Variants in TASOR2 observed in about 807,000 individuals in gnomAD.
TASOR2 encodes transcription activation suppressor family member 2, also known as protein TASOR 2.
Under a neutral mutation model 199.5 loss-of-function variants are expected in TASOR2, and 84 were observed. The observed-to-expected ratio is 0.42, with a 90% CI of 0.35 to 0.50. The LOEUF is 0.50. Among genes scored for constraint, TASOR2 ranks in the 20% least tolerant of loss-of-function variants. The probability of loss-of-function intolerance (pLI) is 0.02; values close to 1 mark genes in which losing one functional copy is unlikely to be tolerated. For synonymous variants in TASOR2, 1,103 were observed against 1,046.6 expected, an observed-to-expected ratio of 1.05 and a Z score of -1.04; for missense variants, 2,796 against 2,835.9, an observed-to-expected ratio of 0.99 and a Z score of 0.32.
Position 5,752,541 on chromosome 10 carries a change from C to A in TASOR2, c.6606+2514C>A, listed in dbSNP as rs1838215248. 6.6e-6 allele frequency among the ~76,000 whole-genome samples: 1 copy of A among 152,224 alleles called. No individual in the cohort carries two copies. The highest frequency in any genetic ancestry group is 6.5e-5 in the Admixed American group (1 of 15,286). On this transcript the variant is annotated intron_variant, in intron 15 of 20. Coordinates refer to ENST00000328090, the Ensembl canonical transcript of TASOR2. This position sits in a 1 kb window ranked among gnomAD's most constrained non-coding sequence, Gnocchi z 4.4. Reference sequence around the variant, plus strand: ...CTTCTGCTGATTTCCTGCGCTAACTCCAGAATGTCACGTGGCGAGTCCATG... The same window carrying A: ...CTTCTGCTGATTTCCTGCGCTAACTACAGAATGTCACGTGGCGAGTCCATG...
intron 6 of TASOR2, among the ~76,000 whole-genome samples, chr10:5,721,489 T>C (rs1833350798): frequency 6.6e-6 from 1 of 152,202 alleles, no homozygotes; most frequent in Admixed American, 6.5e-5. Context: ...GAAATAGTCA[T>C]AGTTTAATTG....
chr10:5,713,051 A>G (rs1406740211), intron 2 of TASOR2, 133 bp downstream of exon 2: 2 of 424,884 alleles, frequency 4.7e-6, no homozygotes, highest in Non-Finnish European at 7.9e-6. Flanking sequence ...CATGTAAATG[A>G]CAGCAACAAA....
At chr10:5,712,452 C>G (rs1192245447) in intron 1 of TASOR2, 3 of 1,231,480 alleles carry the variant, frequency 2.4e-6, no homozygotes, top group Non-Finnish European at 3.0e-6. Flanking sequence ...TTTCACTCCT[C>G]CATACTTCTT....
rs1204529484 is a variant in TASOR2 at position 5,746,148 on chromosome 10, T to A, written c.2758-31T>A. 3 of 544,884 alleles carry A rather than the reference T, an allele frequency of 5.5e-6. No individual in the cohort carries two copies. The African/African-American group carries it at 2.3e-4, about 42-fold the overall frequency. The allele number at this position is 544,884 out of a possible 1,614,324, so 33.8% of individuals were successfully genotyped here. ...TATAAAAAACATTTTATATGACTGA[T>A]TTTTTTTTTTTTTTACTTTGGCCGT... On this transcript the variant is annotated intron_variant, in intron 14 of 20. Coordinates refer to ENST00000328090, the Ensembl canonical transcript of TASOR2.
At position 5,750,131 on chromosome 10, in the gene TASOR2, A is replaced by T; in HGVS notation, c.6606+104A>T. 1.6e-6 allele frequency: 2 copies of T among 1,267,714 alleles called. No homozygotes were observed. The highest frequency in any genetic ancestry group is 2.1e-6 in the Non-Finnish European group (2 of 947,952). The allele number at this position is 1,267,714 out of a possible 1,614,324, so 78.5% of individuals were successfully genotyped here. On this transcript the variant is annotated intron_variant, in intron 15 of 20. Coordinates refer to ENST00000328090, the Ensembl canonical transcript of TASOR2. This position sits in a 1 kb window ranked among gnomAD's most constrained non-coding sequence, Gnocchi z 5.4. The stretch of plus-strand genomic sequence containing the variant: ...CATCAAAAAGAAATCATGGTATGAC[A>T]TAGTATTTAAATTTCACAGCTTAGT...
chr10:5,749,514 T>C, exon 15 of TASOR2: 1 of 1,614,106 alleles, frequency 6.2e-7, no homozygotes, highest in South Asian at 1.1e-5. Flanking sequence ...TTCTGCATCC[T>C]GCACCTAGGA....
chr10:5,721,324 C>T (rs1420189077), intron 6 of TASOR2, among the ~76,000 whole-genome samples: 1 of 152,104 alleles, frequency 6.6e-6, no homozygotes, highest in Non-Finnish European at 1.5e-5. Context: ...CAAATTTTAA[C>T]ATGATTTTCT....
intron 1 of TASOR2, among the ~76,000 whole-genome samples, chr10:5,704,125 G>A (rs1588636506): frequency 6.6e-6 from 1 of 151,762 alleles, no homozygotes; most frequent in East Asian, 1.9e-4. Context: ...TCGGGAGGCT[G>A]AGGCAGGAGA....
chr10:5,731,905 A>G (rs929885673), intron 11 of TASOR2, among the ~76,000 whole-genome samples: 7 of 152,254 alleles, frequency 4.6e-5, no homozygotes, highest in African/African-American at 1.7e-4. Context: ...GACAGCCTCA[A>G]CACCTATCGA....
chr10:5,746,125 T>C (rs1837157066), intron 14 of TASOR2, 54 bp from the exon 16 acceptor site: 1 of 1,489,408 alleles, frequency 6.7e-7, no homozygotes, highest in South Asian at 1.4e-5. Flanking sequence ...TATAATCGTA[T>C]AAAAAACATT....
Position 5,730,057 on chromosome 10 carries a change from T to C in TASOR2, c.488-430T>C, listed in dbSNP as rs1456980552. ...CTTGCACTAACTTCTGAAAAGAATT[T>C]GAAGTGAGTTCAGTAAGGTACAGCT... On this transcript the variant is annotated intron_variant, in intron 10 of 20. Coordinates refer to ENST00000328090, the Ensembl canonical transcript of TASOR2. This position sits in a 1 kb window ranked among gnomAD's most constrained non-coding sequence, Gnocchi z 4.1. 3.3e-5 allele frequency among the ~76,000 whole-genome samples: 5 copies of C among 152,214 alleles called. No individual in the cohort carries two copies.
chr10:5,758,818 CTG>C, intron 17 of TASOR2, 67 bp from the exon 19 acceptor site: 1 of 1,114,270 alleles, frequency 9.0e-7, no homozygotes, highest in East Asian at 2.4e-5. Context: ...ATAATTATCA[CTG>C]GGCTTGGCAT....
chr10:5,748,763 A>G lies in TASOR2; in HGVS notation c.5342A>G (p.Asp1781Gly), dbSNP rs1235230299. 3 of 1,614,144 alleles carry G rather than the reference A, an allele frequency of 1.9e-6. No homozygotes were observed. The African/African-American group carries it at 4.0e-5, about 22-fold the overall frequency. The change falls in exon 15 of 21, where the codon GAT becomes GGT. Residue 1781 changes from aspartate (D) to glycine (G), a missense_variant. By Grantham distance (94) the Asp-to-Gly change is moderately conservative. Transcript: ENST00000328090. The surrounding 1 kb of genome is among the most constrained non-coding windows in gnomAD (Gnocchi z 5.1). Reference sequence around the variant, plus strand: ...GCCTCCTTTGTTTCAGAATCCTTTGATACTTCTGTTTGTGGAATAGCCACA... The same window carrying G: ...GCCTCCTTTGTTTCAGAATCCTTTGGTACTTCTGTTTGTGGAATAGCCACA...
intron 15 of TASOR2, among the ~76,000 whole-genome samples, chr10:5,755,442 C>T (rs1180180565): frequency 2.0e-5 from 3 of 151,958 alleles, no homozygotes; most frequent in African/African-American, 2.4e-5. Flanking sequence ...GGCGTGGTGG[C>T]GGGCACCTGT....
chr10:5,730,455 T>A lies in TASOR2; in HGVS notation c.488-32T>A, dbSNP rs1269379879. On this transcript the variant is annotated intron_variant, in intron 10 of 20. Transcript: ENST00000328090. This position sits in a 1 kb window ranked among gnomAD's most constrained non-coding sequence, Gnocchi z 4.1. Reference sequence around the variant, plus strand: ...ATGTTTTGTTTTTAAAAAATAAACTTCAGATGTTTAATACGTGTGTATATA... The same window carrying A: ...ATGTTTTGTTTTTAAAAAATAAACTACAGATGTTTAATACGTGTGTATATA... 3 of 1,439,156 alleles carry A rather than the reference T, an allele frequency of 2.1e-6. No individual in the cohort carries two copies. In the African/African-American group the frequency reaches 4.3e-5, roughly 20 times the overall value. The allele number at this position is 1,439,156 out of a possible 1,614,324, so 89.1% of individuals were successfully genotyped here.
In TASOR2 at chr10:5,730,857, G is replaced by A. The variant is rs367954838; in HGVS notation, c.858G>A (p.Gln286=). The change falls in exon 11 of 21, where the codon CAG becomes CAA. Residue 286 remains glutamine (Q), a synonymous_variant. Coordinates refer to ENST00000328090, the Ensembl canonical transcript of TASOR2. The surrounding 1 kb of genome is among the most constrained non-coding windows in gnomAD (Gnocchi z 4.1). ...TGGACTTGCTAGCAGAGCATCCTCA[G>A]TCTCCTTGTGTTTCAGACGGAATTT... 4 of 1,614,052 alleles carry A rather than the reference G, an allele frequency of 2.5e-6. No individual in the cohort carries two copies. The African/African-American group carries it at 5.3e-5, about 22-fold the overall frequency.
chr10:5,740,386 G>A lies in TASOR2; in HGVS notation c.2216G>A (p.Cys739Tyr), dbSNP rs758753278. Reference sequence around the variant, plus strand: ...TCTTGCTCTCGTATAGTGCTTAGCTGTGATGACTCCGTTAAGATCACTTTC... The same window carrying A: ...TCTTGCTCTCGTATAGTGCTTAGCTATGATGACTCCGTTAAGATCACTTTC... The change falls in exon 13 of 21, where the codon TGT becomes TAT. Residue 739 changes from cysteine to tyrosine, a missense_variant. Around this residue, in one of 3 missense-constraint regions of TASOR2, gnomAD observed 847 missense variants for 887.4 expected, o/e 0.95. Transcript: ENST00000328090. This position sits in a 1 kb window ranked among gnomAD's most constrained non-coding sequence, Gnocchi z 5.3. 42 of 1,614,092 alleles carry A rather than the reference G, an allele frequency of 2.6e-5. No individual in the cohort carries two copies. Among genetic ancestry groups the A allele is most frequent in the Non-Finnish European group, 3.5e-5 (41 of 1,180,046 alleles).
In TASOR2 at chr10:5,710,994, T is replaced by G. The variant is rs1227805146; in HGVS notation, c.-287-1829T>G. On this transcript the variant is annotated intron_variant, in intron 1 of 20. Transcript: ENST00000328090. The surrounding 1 kb of genome is among the most constrained non-coding windows in gnomAD (Gnocchi z 4.6). ...ATTTTAACTCTTATAACTGGTGTTT[T>G]GCTATTTGCATCTATTCAGAATATC... Among the ~76,000 whole-genome samples the G allele has an allele frequency of 1.3e-5, 2 of 152,134 alleles. No individual in the cohort carries two copies. Among genetic ancestry groups the G allele is most frequent in the African/African-American group, 4.8e-5 (2 of 41,462 alleles).
chr10:5,686,944 G>A (rs1441671588), intron 1 of TASOR2, among the ~76,000 whole-genome samples: 1 of 152,096 alleles, frequency 6.6e-6, no homozygotes, highest in Non-Finnish European at 1.5e-5. Context: ...TCTTCCAGAA[G>A]AAATTAAAAC....
Sources: allele counts gnomAD v4.1 joint callset (sites outside exome capture counted in the v4.1 genomes callset), GRCh38; gene constraint gnomAD v4.1.1; regional missense constraint gnomAD v4.1.1; non-coding constraint Gnocchi (gnomAD v3.1); transcripts MANE v1.5; gene names NCBI Gene and HGNC (gene_info 2026-07-23, HGNC 2026-07-21).